JAKMIP3: variants seen among roughly 807,000 people sequenced by gnomAD.
JAKMIP3 encodes Janus kinase and microtubule interacting protein 3, also known as janus kinase and microtubule-interacting protein 3.
Under a neutral mutation model 118.5 loss-of-function variants are expected in JAKMIP3, and 58 were observed. The observed-to-expected ratio is 0.49, with a 90% CI of 0.40 to 0.61. JAKMIP3 has a LOEUF of 0.61. Ranked by LOEUF, JAKMIP3 falls within the 20% of genes least tolerant of loss-of-function variation. The pLI, the probability that JAKMIP3 is intolerant of heterozygous loss-of-function variation, is 0.00. For synonymous variants in JAKMIP3, 486 were observed against 451.2 expected, an observed-to-expected ratio of 1.08 and a Z score of -0.98; for missense variants, 950 against 1,109.0, an observed-to-expected ratio of 0.86 and a Z score of 2.04.
intron 1 of JAKMIP3, among the ~76,000 whole-genome samples, chr10:132,086,657 G>A (rs1241008008): frequency 1.3e-5 from 2 of 152,032 alleles, no homozygotes; most frequent in Non-Finnish European, 2.9e-5. Context: ...AGTTTGTTTT[G>A]TCTGATATAA....
chr10:132,105,871 G>T (rs1325759739), intron 2 of JAKMIP3, among the ~76,000 whole-genome samples: 1 of 132,390 alleles, frequency 7.6e-6, no homozygotes, highest in Non-Finnish European at 1.7e-5. Context: ...CCCATCAAAG[G>T]CATCTCTCTT....
At chr10:132,087,815 G>A (rs933838637) in intron 1 of JAKMIP3, among the ~76,000 whole-genome samples, 5 of 151,488 alleles carry the variant, frequency 3.3e-5, no homozygotes, top group African/African-American at 1.2e-4. Context: ...CCATTAACTC[G>A]TCATTTACAT....
chr10:132,147,065 C>T (rs1004549093), intron 13 of JAKMIP3, among the ~76,000 whole-genome samples: 6 of 152,246 alleles, frequency 3.9e-5, no homozygotes, highest in Non-Finnish European at 7.3e-5. Context: ...TGCGCATGTG[C>T]ACACTTGGAG....
chr10:132,071,681 CATT>C (rs2039872393), intron 1 of JAKMIP3, among the ~76,000 whole-genome samples: 1 of 152,148 alleles, frequency 6.6e-6, no homozygotes, highest in African/African-American at 2.4e-5. Flanking sequence ...ACTCCTGTAT[CATT>C]ATGTATAGCT....
rs146353018 is a variant in JAKMIP3 at position 132,163,297 on chromosome 10, G to T, written c.2309G>T (p.Arg770Leu). 542 of 1,604,212 alleles carry T rather than the reference G, an allele frequency of 3.4e-4. 1 individual carries two copies. Among genetic ancestry groups the T allele is most frequent in the Middle Eastern group, 4.0e-4 (2 of 4,982 alleles). Residue 770 changes from arginine to leucine, a missense_variant, in exon 20 of 24, where the codon CGC becomes CTC. Transcript: ENST00000684848. ...KVAELLSEEE[R>L]EKLKVAVEQW... ...GCTGAGCTGCTGTCAGAGGAGGAGC[G>T]CGAGAAGCTCAAGGTGGCCGTGGAG...
intron 1 of JAKMIP3, among the ~76,000 whole-genome samples, chr10:132,042,333 T>A (rs553191839): frequency 1.3e-5 from 2 of 152,100 alleles, no homozygotes; most frequent in African/African-American, 4.8e-5. Context: ...CACTTCAACC[T>A]CCTGATTAGC....
intron 3 of JAKMIP3, 90 bp from the exon 4 acceptor site, chr10:132,133,222 C>T: frequency 8.7e-7 from 1 of 1,154,558 alleles, no homozygotes; most frequent in Non-Finnish European, 1.3e-6. Flanking sequence ...GGTCTCAGAG[C>T]CCAGAGCCTG....
In JAKMIP3 at chr10:132,180,756, T is replaced by TGTGTGCGCGCGCGTGCGTGTGTGTGTGC. The variant is rs1554963446; in HGVS notation, c.*1104-1598_*1104-1597insTGCGCGCGCGTGCGTGTGTGTGTGCGTG. On this transcript the variant is annotated intron_variant, in intron 23 of 23. Coordinates refer to ENST00000684848, the MANE Select transcript of JAKMIP3 (RefSeq NM_001323087.2). ...GTGTGTGCGTGCGTGCGCGCGCGTGTGTGCGTGTGTGTGCGTGTGTGTGTG... is the reference window on the plus strand; with the variant it reads ...GTGTGTGCGTGCGTGCGCGCGCGTGTGTGTGCGCGCGCGTGCGTGTGTGTGTGCGTGCGTGTGTGTGCGTGTGTGTGTG... Among the ~76,000 whole-genome samples, 2 of 31,076 alleles carry TGTGTGCGCGCGCGTGCGTGTGTGTGTGC rather than the reference T, an allele frequency of 6.4e-5. 1 individual carries two copies. Among genetic ancestry groups the TGTGTGCGCGCGCGTGCGTGTGTGTGTGC allele is most frequent in the Admixed American group, 8.0e-4 (2 of 2,502 alleles). 20.4% of individuals were successfully genotyped at this position (31,076 alleles called of 152,430 possible). A position where few individuals can be genotyped will look rare whatever the true frequency, so the allele number is the denominator to read the frequency against.
At chr10:132,134,947 G>A (rs1024543665) in intron 4 of JAKMIP3, 94 bp from the exon 5 acceptor site, 31 of 1,475,652 alleles carry the variant, frequency 2.1e-5, no homozygotes, top group African/African-American at 2.1e-4. Context: ...CGCGTCCCAC[G>A]GCAGCGTTTT....
rs181343583 is a variant in JAKMIP3, at chr10:132,084,496, G to A, written c.-138+18435G>A. On this transcript the variant is annotated intron_variant, in intron 1 of 23. Transcript: ENST00000684848. Reference sequence around the variant, plus strand: ...TATCATCAGCAAACAGTGACAATTCGACTTCCTCTTTATGGATTTGTATGC... The same window carrying A: ...TATCATCAGCAAACAGTGACAATTCAACTTCCTCTTTATGGATTTGTATGC... Among the ~76,000 whole-genome samples, 542 of 152,250 alleles carry A rather than the reference G, an allele frequency of 3.6e-3. 6 individuals are homozygous for A. Among genetic ancestry groups the A allele is most frequent in the Middle Eastern group, 0.031 (9 of 292 alleles).
At chr10:132,173,545 C>CT (rs1160461478) in intron 23 of JAKMIP3, among the ~76,000 whole-genome samples, 1 of 152,126 alleles carries the variant, frequency 6.6e-6, no homozygotes, top group Non-Finnish European at 1.5e-5. Context: ...GGGGTCTCTT[C>CT]TTACCCACCC....
At chr10:132,045,229 A>G (rs1489566356) in intron 1 of JAKMIP3, among the ~76,000 whole-genome samples, 3 of 152,150 alleles carry the variant, frequency 2.0e-5, no homozygotes, top group African/African-American at 7.2e-5. Context: ...ACGGGTGAGC[A>G]GGTGGCTCGC....
chr10:132,098,896 GCCT>G (rs1475360361), intron 1 of JAKMIP3, among the ~76,000 whole-genome samples: 1 of 152,240 alleles, frequency 6.6e-6, no homozygotes, highest in African/African-American at 2.4e-5. Flanking sequence ...TACTCAGTAA[GCCT>G]CCTCAGGGTG....
intron 23 of JAKMIP3, among the ~76,000 whole-genome samples, chr10:132,172,762 C>T (rs1182009985): frequency 1.3e-5 from 2 of 151,788 alleles, no homozygotes; most frequent in Non-Finnish European, 2.9e-5. Flanking sequence ...ATAACCCCTT[C>T]CCCAGGGAGC....
chr10:132,121,753 C>T (rs935741366), intron 3 of JAKMIP3, among the ~76,000 whole-genome samples: 26 of 152,114 alleles, frequency 1.7e-4, no homozygotes, highest in African/African-American at 6.3e-4. Flanking sequence ...GGTTTCCGTG[C>T]CTCCCTTGCT....
At position 132,117,323 on chromosome 10, in the gene JAKMIP3, C is replaced by G; in HGVS notation, c.382C>G (p.Pro128Ala). The G allele has an allele frequency of 6.2e-7, 1 of 1,613,932 alleles. No individual in the cohort carries two copies. The highest frequency in any genetic ancestry group is 8.5e-7 in the Non-Finnish European group (1 of 1,179,892). The part of the protein sequence containing the change: ...ALLSALRDGG[P>A]EKVKTVLLSE... ...GCTCAGTGCCCTGCGTGATGGCGGC[C>G]CCGAAAAGGTCAAGACCGTGCTGCT... is the stretch of plus-strand genomic sequence containing the variant. Residue 128 changes from proline (P) to alanine (A), a missense_variant, in exon 3 of 24, where the codon CCC (proline) becomes GCC (alanine). Pro to Ala is a conservative substitution (Grantham distance 27, BLOSUM62 -1). Coordinates refer to ENST00000684848, the MANE Select transcript of JAKMIP3 (RefSeq NM_001323087.2). This position sits in a 1 kb window ranked among gnomAD's most constrained non-coding sequence, Gnocchi z 8.6.
At position 132,180,612 on chromosome 10, in the gene JAKMIP3, TGTGCGTGTGTGTGCGTGTGTGC is replaced by T. The variant is rs2060872695; in HGVS notation, c.*1104-1733_*1104-1712del. On this transcript the variant is annotated intron_variant, in intron 23 of 23. Coordinates refer to ENST00000684848, the MANE Select transcript of JAKMIP3 (RefSeq NM_001323087.2). ...GTGTGTGTGTGCGTGCGCGTGTGTG[TGTGCGTGTGTGTGCGTGTGTGC>T]GTGCGTGTGTGCGTGTGCGTGTGCG... 8.6e-5 allele frequency among the ~76,000 whole-genome samples: 2 copies of T among 23,212 alleles called. 1 individual carries two copies. Among genetic ancestry groups the T allele is most frequent in the African/African-American group, 3.7e-4 (2 of 5,342 alleles). 15.2% of individuals were successfully genotyped at this position (23,212 alleles called of 152,430 possible). A position where few individuals can be genotyped will look rare whatever the true frequency, so the allele number is the denominator to read the frequency against.
At chr10:132,146,826 A>G (rs1184332674) in intron 13 of JAKMIP3, among the ~76,000 whole-genome samples, 1 of 152,190 alleles carries the variant, frequency 6.6e-6, no homozygotes, top group African/African-American at 2.4e-5. Context: ...CATCTCTTAA[A>G]TTAGAAGTGC....
At chr10:132,182,209 G>A (rs555195247) in intron 23 of JAKMIP3, 148 bp from the exon 24 acceptor site, 1 of 152,484 alleles carries the variant, frequency 6.6e-6, no homozygotes, top group South Asian at 2.1e-4. Context: ...GGACCCATGA[G>A]GGCAGTGCCT....
Sources: gnomAD v4.1 joint callset for allele counts (sites outside exome capture counted in the v4.1 genomes callset) on GRCh38, gnomAD v4.1.1 for gene constraint, Gnocchi (gnomAD v3.1) non-coding constraint, MANE v1.5 for transcripts, NCBI Gene and HGNC (gene_info 2026-07-23, HGNC 2026-07-21) for gene names.